The following TENT4A variants were observed in gnomAD, a reference collection of about 807,000 sequenced individuals.
TENT4A encodes terminal nucleotidyltransferase 4A, also known as DNA polymerase kappa.
Under a neutral mutation model 72.8 loss-of-function variants are expected in TENT4A, and 7 were observed. That is an observed-to-expected ratio of 0.10 (90% CI 0.05 to 0.18). TENT4A has a LOEUF of 0.18. Among genes scored for constraint, TENT4A ranks in the 10% least tolerant of loss-of-function variants. The pLI is 1.00. For missense variants in TENT4A, 831 were observed against 1,017.7 expected (o/e 0.82, Z 2.50); for synonymous variants, 456 against 434.3 (o/e 1.05, Z -0.62).
intron 1 of TENT4A, among the ~76,000 whole-genome samples, chr5:6,729,109 C>T (rs1181619583): frequency 7.2e-5 from 11 of 152,210 alleles, no homozygotes; most frequent in Admixed American, 5.9e-4. Flanking sequence ...TAGGAAAGGA[C>T]TGGCCTGTTT....
At chr5:6,753,588 A>G (rs1041632675) in intron 12 of TENT4A, among the ~76,000 whole-genome samples, 1 of 152,176 alleles carries the variant, frequency 6.6e-6, no homozygotes, top group African/African-American at 2.4e-5. Flanking sequence ...TTAAGTCTCT[A>G]TATTCTTGAA....
In TENT4A at chr5:6,754,852, C is replaced by T; in HGVS notation, c.2286C>T (p.Gly762=). The T allele has an allele frequency of 6.2e-7, 1 of 1,610,422 alleles. No individual in the cohort carries two copies. Among genetic ancestry groups the T allele is most frequent in the Admixed American group, 1.7e-5 (1 of 59,948 alleles). Residue 762 remains glycine (G), a synonymous_variant, in exon 13 of 13, where the codon GGC becomes GGT. Coordinates refer to ENST00000230859, the MANE Select transcript of TENT4A (RefSeq NM_006999.6). ...GCGGAGGTGTGCGGCCCCCTGTGGG[C>T]AACAGGGGACACCACCAGTATAACC... is the stretch of plus-strand genomic sequence containing the variant. ...VGSGGVRPPV[G]NRGHHQYNRT...
chr5:6,752,843 A>G, intron 11 of TENT4A, 30 bp from the exon 12 acceptor site: 2 of 1,602,224 alleles, frequency 1.2e-6, no homozygotes, highest in African/African-American at 2.7e-5. Context: ...TTGCTTTGGT[A>G]CCCATGGCCG....
intron 1 of TENT4A, among the ~76,000 whole-genome samples, chr5:6,718,697 G>A (rs1364094116): frequency 6.6e-6 from 1 of 152,232 alleles, no homozygotes; most frequent in Non-Finnish European, 1.5e-5. Flanking sequence ...TTTAGTAATA[G>A]CATCACTTGT....
At chr5:6,717,959 A>G (rs1740467723) in intron 1 of TENT4A, among the ~76,000 whole-genome samples, 1 of 152,236 alleles carries the variant, frequency 6.6e-6, no homozygotes, top group South Asian at 2.1e-4. Flanking sequence ...ACAGAGACCC[A>G]GGAAGAATGT....
intron 8 of TENT4A, among the ~76,000 whole-genome samples, chr5:6,749,027 G>A (rs1310418723): frequency 1.3e-5 from 2 of 152,210 alleles, no homozygotes; most frequent in African/African-American, 2.4e-5. Flanking sequence ...ATAGGAATGG[G>A]AAGGAAGAGT....
At chr5:6,743,561 C>G (rs1741937308) in intron 5 of TENT4A, 151 bp from the exon 6 acceptor site, 3 of 623,782 alleles carry the variant, frequency 4.8e-6, no homozygotes, top group Non-Finnish European at 8.2e-6. Context: ...TAGCGTCCCC[C>G]AACCAAAGTT....
At chr5:6,732,006 C>A (rs941681580) in intron 1 of TENT4A, among the ~76,000 whole-genome samples, 1 of 152,140 alleles carries the variant, frequency 6.6e-6, no homozygotes, top group South Asian at 2.1e-4. Flanking sequence ...CCTTTTTTGC[C>A]CTTTAGTTCC....
chr5:6,746,280 G>C lies in TENT4A; in HGVS notation c.1312G>C (p.Glu438Gln). Residue 438 changes from glutamate (E) to glutamine (Q), a missense_variant, in exon 7 of 13, where the codon GAA becomes CAA. Physicochemically the swap from Glu to Gln is conservative, Grantham distance 29 (BLOSUM62 2). Around this residue, in one of 3 missense-constraint regions of TENT4A, gnomAD observed 197 missense variants for 399.6 expected, o/e 0.49. Transcript: ENST00000230859. ...TGGAATGCTTCTTGTAGAATTTTTTGAACTCTATGGGAGAAATTTTAATTA... is the reference window on the plus strand; with the variant it reads ...TGGAATGCTTCTTGTAGAATTTTTTCAACTCTATGGGAGAAATTTTAATTA... Reference protein sequence around the residue: ...NLGMLLVEFFELYGRNFNYLK... With the variant: ...NLGMLLVEFFQLYGRNFNYLK... The C allele has an allele frequency of 6.2e-7, 1 of 1,614,164 alleles. No homozygotes were observed. Among genetic ancestry groups the C allele is most frequent in the Non-Finnish European group, 8.5e-7 (1 of 1,180,030 alleles).
chr5:6,730,702 A>G (rs1741168466), intron 1 of TENT4A, among the ~76,000 whole-genome samples: 1 of 150,774 alleles, frequency 6.6e-6, no homozygotes, highest in South Asian at 2.1e-4. Flanking sequence ...CCCTAGAAAC[A>G]TGAAGGGTTT....
At chr5:6,738,632 T>G (rs1483948626) in intron 2 of TENT4A, 51 bp from the exon 3 acceptor site, 1 of 1,341,628 alleles carries the variant, frequency 7.5e-7, no homozygotes, top group East Asian at 2.3e-5. Context: ...AATGGTAGTG[T>G]GACTGCTTGG....
At chr5:6,734,058 C>T (rs1244097934) in intron 1 of TENT4A, among the ~76,000 whole-genome samples, 1 of 152,194 alleles carries the variant, frequency 6.6e-6, no homozygotes, top group Non-Finnish European at 1.5e-5. Context: ...AGCAAAATAT[C>T]TTAGCAAAAC....
At chr5:6,745,068 C>T (rs1260326913) in intron 6 of TENT4A, among the ~76,000 whole-genome samples, 1 of 152,184 alleles carries the variant, frequency 6.6e-6, no homozygotes, top group East Asian at 1.9e-4. Flanking sequence ...CAGAGCTTGT[C>T]CTGCCTCAGC....
chr5:6,744,603 G>A (rs1283499143), intron 6 of TENT4A, among the ~76,000 whole-genome samples: 2 of 152,194 alleles, frequency 1.3e-5, no homozygotes, highest in Non-Finnish European at 2.9e-5. Context: ...TCACTGTCAT[G>A]AATGCTATGA....
At chr5:6,729,487 C>T (rs921258605) in intron 1 of TENT4A, among the ~76,000 whole-genome samples, 1 of 152,256 alleles carries the variant, frequency 6.6e-6, no homozygotes, top group African/African-American at 2.4e-5. Flanking sequence ...TGATCAGCTG[C>T]TTGAGCTAGC....
Position 6,751,089 on chromosome 5 carries a change from G to T in TENT4A, c.1911G>T (p.Leu637=). The change falls in exon 11 of 13, where the codon CTG becomes CTT. Residue 637 remains leucine, a synonymous_variant. Coordinates refer to ENST00000230859, the MANE Select transcript of TENT4A (RefSeq NM_006999.6). The part of the protein sequence containing the change: ...CTTPSVYQFS[L]QAPAPLMAGL... ...CGCCCAGTGTTTACCAGTTCAGTCT[G>T]CAAGCGCCAGCTCCTCTCATGGCCG... The T allele has an allele frequency of 6.2e-7, 1 of 1,614,196 alleles. No individual in the cohort carries two copies.
chr5:6,735,692 G>A (rs28363339), intron 1 of TENT4A, among the ~76,000 whole-genome samples: 6,846 of 151,932 alleles, frequency 0.045, 204 homozygotes, highest in South Asian at 0.097. Context: ...TTAATGTTGG[G>A]CTCTGTTAAC....
chr5:6,723,522 C>T (rs1740762658), intron 1 of TENT4A, among the ~76,000 whole-genome samples: 2 of 152,198 alleles, frequency 1.3e-5, no homozygotes, highest in Admixed American at 1.3e-4. Context: ...CCTTGACAGT[C>T]TGACGTGACC....
intron 1 of TENT4A, among the ~76,000 whole-genome samples, chr5:6,717,852 C>G (rs1002098214): frequency 5.3e-5 from 8 of 152,220 alleles, no homozygotes; most frequent in Non-Finnish European, 1.2e-4. Context: ...CATGGTCGTT[C>G]TAGCAGCTTT....
Sources: gnomAD v4.1 joint callset for allele counts (sites outside exome capture counted in the v4.1 genomes callset) on GRCh38, gnomAD v4.1.1 for gene constraint, gnomAD v4.1.1 regional missense constraint, MANE v1.5 for transcripts, NCBI Gene and HGNC (gene_info 2026-07-23, HGNC 2026-07-21) for gene names.